Variants in DNAJC1 observed in about 807,000 individuals in gnomAD.
DNAJC1 encodes the protein dnaJ homolog subfamily C member 1.
Under a neutral mutation model 76.6 loss-of-function variants are expected in DNAJC1, and 58 were observed. The ratio of observed to expected loss-of-function variants is 0.76; its 90% CI spans 0.61 to 0.94. The LOEUF (loss-of-function observed/expected upper bound fraction) is 0.94, where lower values mean the gene tolerates loss of function less well. Ranked by LOEUF, DNAJC1 falls within the 40% of genes least tolerant of loss-of-function variation. DNAJC1 has a pLI of 0.00. For missense variants in DNAJC1, 689 were observed against 677.3 expected (o/e 1.02, Z -0.19); for synonymous variants, 258 against 267.9 (o/e 0.96, Z 0.36).
chr10:21,811,159 C>T (rs117041262), intron 8 of DNAJC1, among the ~76,000 whole-genome samples: 1,734 of 152,238 alleles, frequency 0.011, 19 homozygotes, highest in Non-Finnish European at 0.019. Context: ...AAGGAGCTCA[C>T]GGGGTGACCC....
At chr10:21,831,787 C>T (rs1426740379) in intron 8 of DNAJC1, among the ~76,000 whole-genome samples, 3 of 70,216 alleles carry the variant, frequency 4.3e-5, no homozygotes, top group Non-Finnish European at 8.6e-5. Flanking sequence ...GAGACTCCAT[C>T]TCAAAAAAAA....
At chr10:21,768,035 A>G (rs1385467273) in intron 9 of DNAJC1, among the ~76,000 whole-genome samples, 1 of 152,116 alleles carries the variant, frequency 6.6e-6, no homozygotes, top group Non-Finnish European at 1.5e-5. Context: ...TACTCCAGAA[A>G]GTTCCCTTGT....
At chr10:21,956,855 A>G (rs929463701) in intron 1 of DNAJC1, among the ~76,000 whole-genome samples, 1 of 141,034 alleles carries the variant, frequency 7.1e-6, no homozygotes, top group Non-Finnish European at 1.6e-5. Context: ...CACACACACA[A>G]GTAGGTGTAA....
At chr10:21,781,065 C>A (rs773916763) in intron 9 of DNAJC1, among the ~76,000 whole-genome samples, 56 of 152,160 alleles carry the variant, frequency 3.7e-4, no homozygotes, top group Non-Finnish European at 3.5e-4. Flanking sequence ...TATATATGCA[C>A]CCTATTCAGG....
intron 8 of DNAJC1, among the ~76,000 whole-genome samples, chr10:21,849,864 A>C (rs921137371): frequency 6.6e-6 from 1 of 152,140 alleles, no homozygotes; most frequent in African/African-American, 2.4e-5. Flanking sequence ...GGGAAAAAAA[A>C]ACCACACATG....
rs763380206 is a variant in DNAJC1 at position 21,918,870 on chromosome 10, A to C, written c.638T>G (p.Leu213Trp). 4 of 1,611,834 alleles carry C rather than the reference A, an allele frequency of 2.5e-6. No homozygotes were observed. Among genetic ancestry groups the C allele is most frequent in the Admixed American group, 3.3e-5 (2 of 59,990 alleles). The part of the protein sequence containing the change: ...KLGASEKNER[L>W]LMKPQWHDLL... Reference sequence around the variant, plus strand: ...ATCATGCCACTGTGGTTTCATCAGCAATCTAAAGGGAGGGAGAAAAAAGAA... The same window carrying C: ...ATCATGCCACTGTGGTTTCATCAGCCATCTAAAGGGAGGGAGAAAAAAGAA... The change falls in exon 6 of 12, where the codon TTG becomes TGG. Residue 213 changes from leucine (L) to tryptophan (W), a missense_variant and splice_region_variant. Leu to Trp is a moderately conservative substitution (Grantham distance 61, BLOSUM62 -2). Coordinates refer to ENST00000376980, the MANE Select transcript of DNAJC1 (RefSeq NM_022365.4).
intron 8 of DNAJC1, among the ~76,000 whole-genome samples, chr10:21,810,702 A>G (rs1340951469): frequency 6.6e-6 from 1 of 152,180 alleles, no homozygotes; most frequent in Non-Finnish European, 1.5e-5. Context: ...CTATTTAGAA[A>G]AGGGGTGATT....
intron 8 of DNAJC1, among the ~76,000 whole-genome samples, chr10:21,817,938 G>A (rs754528519): frequency 2.0e-5 from 3 of 152,088 alleles, no homozygotes; most frequent in Non-Finnish European, 4.4e-5. Flanking sequence ...GTCACCTCAG[G>A]ACCATGTGAT....
intron 1 of DNAJC1, among the ~76,000 whole-genome samples, chr10:21,967,930 A>G (rs1203084346): frequency 6.6e-6 from 1 of 152,218 alleles, no homozygotes; most frequent in East Asian, 1.9e-4. Flanking sequence ...AAGTTAGTAC[A>G]TGTTGTTTCC....
At chr10:21,867,112 A>G (rs373192961) in intron 8 of DNAJC1, among the ~76,000 whole-genome samples, 6 of 152,086 alleles carry the variant, frequency 3.9e-5, no homozygotes, top group Admixed American at 6.6e-5. Flanking sequence ...GAGAGATAAA[A>G]ATTGCAAATT....
intron 1 of DNAJC1, among the ~76,000 whole-genome samples, chr10:21,931,118 T>C (rs190011431): frequency 5.9e-5 from 9 of 152,318 alleles, no homozygotes; most frequent in South Asian, 2.1e-4. Context: ...TCTCCTACTC[T>C]AAACCCTTGA....
chr10:21,845,192 T>A (rs950106932), intron 8 of DNAJC1, among the ~76,000 whole-genome samples: 1 of 152,074 alleles, frequency 6.6e-6, no homozygotes, highest in African/African-American at 2.4e-5. Flanking sequence ...GTAGCACTAG[T>A]GACAAGATGA....
In DNAJC1 at chr10:21,959,760, T is replaced by A. The variant is rs932809334; in HGVS notation, c.223-30619A>T. On this transcript the variant is annotated intron_variant, in intron 1 of 11. Coordinates refer to ENST00000376980, the MANE Select transcript of DNAJC1 (RefSeq NM_022365.4). The stretch of plus-strand genomic sequence containing the variant: ...GGGATAGTGCCGCTTCACTTCAGCC[T>A]AGGCGACAGAGGGAGACTCCATCTC... Among the ~76,000 whole-genome samples, 3 of 137,270 alleles carry A rather than the reference T, an allele frequency of 2.2e-5. No individual in the cohort carries two copies. The East Asian group carries it at 6.4e-4, about 29-fold the overall frequency. The allele number at this position is 137,270 out of a possible 152,430, so 90.1% of individuals were successfully genotyped here.
intron 1 of DNAJC1, among the ~76,000 whole-genome samples, chr10:21,943,577 T>C (rs911473086): frequency 6.6e-6 from 1 of 152,178 alleles, no homozygotes; most frequent in Admixed American, 6.5e-5. Context: ...CCTAATACTG[T>C]TGTGTATTTA....
intron 8 of DNAJC1, among the ~76,000 whole-genome samples, chr10:21,876,077 T>C (rs1230156576): frequency 6.6e-6 from 1 of 151,912 alleles, no homozygotes; most frequent in African/African-American, 2.4e-5. Context: ...ATATCCCATA[T>C]GTACAAAAAG....
At chr10:21,809,543 CAT>C (rs1834932573) in intron 8 of DNAJC1, among the ~76,000 whole-genome samples, 2 of 150,872 alleles carry the variant, frequency 1.3e-5, no homozygotes, top group African/African-American at 4.9e-5. Context: ...AATAATATAA[CAT>C]ATTATTAGAT....
chr10:21,972,426 G>GT (rs1469699477), intron 1 of DNAJC1, among the ~76,000 whole-genome samples: 27 of 152,002 alleles, frequency 1.8e-4, no homozygotes, highest in South Asian at 4.1e-4. Context: ...TTCTACTTGA[G>GT]TATGTATTTA....
At chr10:22,002,902 C>G (rs1838544878) in intron 1 of DNAJC1, among the ~76,000 whole-genome samples, 1 of 151,966 alleles carries the variant, frequency 6.6e-6, no homozygotes, top group East Asian at 1.9e-4. Context: ...CGTTCTTCCT[C>G]CAGCACAGCT....
chr10:21,835,116 C>T (rs1039909475), intron 8 of DNAJC1, among the ~76,000 whole-genome samples: 8 of 152,128 alleles, frequency 5.3e-5, no homozygotes, highest in African/African-American at 1.9e-4. Flanking sequence ...CCGGGTACTC[C>T]TCTGAGACAA....
Sources: allele counts gnomAD v4.1 joint callset (sites outside exome capture counted in the v4.1 genomes callset), GRCh38; gene constraint gnomAD v4.1.1; transcripts MANE v1.5; gene names NCBI Gene and HGNC (gene_info 2026-07-23, HGNC 2026-07-21).